HDAC4: variants seen among roughly 807,000 people sequenced by gnomAD.
HDAC4 encodes histone deacetylase 4.
In HDAC4, 16 loss-of-function variants were observed where a neutral mutation model predicts 135.1. The observed-to-expected ratio is 0.12, with a 90% CI of 0.08 to 0.18. The LOEUF (loss-of-function observed/expected upper bound fraction) is 0.18. Ranked by LOEUF, HDAC4 falls within the 10% of genes least tolerant of loss-of-function variation. HDAC4 has a pLI of 1.00. For synonymous variants in HDAC4, 685 were observed against 653.4 expected, an observed-to-expected ratio of 1.05 and a Z score of -0.74; for missense variants, 1,143 against 1,511.8, an observed-to-expected ratio of 0.76 and a Z score of 4.05.
At chr2:239,230,968 A>G (rs770032206) in intron 3 of HDAC4, among the ~76,000 whole-genome samples, 1 of 152,210 alleles carries the variant, frequency 6.6e-6, no homozygotes, top group Non-Finnish European at 1.5e-5. Flanking sequence ...ATGTAAGAGC[A>G]GTGTCTGGAA....
chr2:239,399,673 G>A (rs936053531), intron 1 of HDAC4, among the ~76,000 whole-genome samples: 3 of 152,066 alleles, frequency 2.0e-5, no homozygotes, highest in African/African-American at 7.2e-5. Context: ...GTGATTTGTG[G>A]GAATAAACAG....
intron 2 of HDAC4, among the ~76,000 whole-genome samples, chr2:239,300,560 T>C (rs1044765828): frequency 1.3e-5 from 2 of 152,158 alleles, no homozygotes; most frequent in African/African-American, 2.4e-5. Context: ...CCAGTGTCTT[T>C]TCCTCTTTTT....
intron 2 of HDAC4, among the ~76,000 whole-genome samples, chr2:239,263,826 G>A (rs561502195): frequency 9.7e-4 from 147 of 152,270 alleles, no homozygotes; most frequent in African/African-American, 3.3e-3. Context: ...TGTCCGACTC[G>A]GCTGAGCCTC....
intron 3 of HDAC4, among the ~76,000 whole-genome samples, chr2:239,212,603 C>A (rs3791604): frequency 0.018 from 2,758 of 152,302 alleles, 83 homozygotes; most frequent in East Asian, 0.14. Context: ...CAGGGACCAA[C>A]CCCATTCCCC....
At chr2:239,056,347 T>C (rs1192392788) in intron 24 of HDAC4, among the ~76,000 whole-genome samples, 1 of 152,088 alleles carries the variant, frequency 6.6e-6, no homozygotes, top group Admixed American at 6.5e-5. Flanking sequence ...GGTCCAAGGC[T>C]GGGGCGGGGA....
intron 2 of HDAC4, among the ~76,000 whole-genome samples, chr2:239,265,948 A>T (rs1478323382): frequency 6.6e-6 from 1 of 152,154 alleles, no homozygotes; most frequent in Non-Finnish European, 1.5e-5. Flanking sequence ...GGTGAGGCCA[A>T]AGCGAGCTGC....
At chr2:239,246,561 G>A (rs1040046838) in intron 2 of HDAC4, among the ~76,000 whole-genome samples, 10 of 151,190 alleles carry the variant, frequency 6.6e-5, no homozygotes, top group African/African-American at 1.2e-4. Context: ...GCCGGCAGGA[G>A]TGAAAGCAAG....
At chr2:239,164,052 C>A in intron 5 of HDAC4, 129 bp from the exon 6 acceptor site, 2 of 1,122,056 alleles carry the variant, frequency 1.8e-6, no homozygotes, top group Non-Finnish European at 2.7e-6. Context: ...GCTGTGGCCT[C>A]CTGAGCGCTT....
rs1489889277 is a variant in HDAC4 at position 239,167,509 on chromosome 2, C to T, written c.491-3586G>A. 1.3e-5 allele frequency among the ~76,000 whole-genome samples: 2 copies of T among 152,076 alleles called. No individual in the cohort carries two copies. The highest frequency in any genetic ancestry group is 2.4e-5 in the African/African-American group (1 of 41,410). On this transcript the variant is annotated intron_variant, in intron 5 of 26. Transcript: ENST00000543185. This position sits in a 1 kb window ranked among gnomAD's most constrained non-coding sequence, Gnocchi z 4.1. ...AGGAAACACGAGGAAGGTAAGTCTTCGATTCATGACCTTTCTAACCACCAA... is the reference window on the plus strand; with the variant it reads ...AGGAAACACGAGGAAGGTAAGTCTTTGATTCATGACCTTTCTAACCACCAA...
chr2:239,135,229 A>G (rs558069591), intron 9 of HDAC4, among the ~76,000 whole-genome samples: 1 of 152,320 alleles, frequency 6.6e-6, no homozygotes, highest in East Asian at 1.9e-4. Context: ...CCCCACAAAT[A>G]TATACATTAT....
intron 2 of HDAC4, among the ~76,000 whole-genome samples, chr2:239,348,843 C>T (rs1357092843): frequency 6.6e-6 from 1 of 152,240 alleles, no homozygotes; most frequent in Non-Finnish European, 1.5e-5. Flanking sequence ...CAATAAAATC[C>T]CAACAGTTAA....
chr2:239,184,964 G>C (rs1371986241), intron 4 of HDAC4, among the ~76,000 whole-genome samples: 1 of 132,738 alleles, frequency 7.5e-6, no homozygotes, highest in Non-Finnish European at 1.6e-5. Flanking sequence ...TGTGTCCTAT[G>C]GGGGGGGTCC....
intron 26 of HDAC4, 88 bp downstream of exon 26, chr2:239,053,372 G>A (rs1036986832): frequency 1.3e-5 from 20 of 1,525,284 alleles, no homozygotes; most frequent in Non-Finnish European, 1.8e-5. Flanking sequence ...CAGGGCATGT[G>A]CCATAAAGGT....
At chr2:239,390,821 C>T (rs760999369) in intron 1 of HDAC4, among the ~76,000 whole-genome samples, 2 of 152,232 alleles carry the variant, frequency 1.3e-5, no homozygotes, top group African/African-American at 4.8e-5. Flanking sequence ...CAGCCACACC[C>T]GGTAGCCCTC....
At chr2:239,123,440 G>A (rs2039870127) in intron 12 of HDAC4, among the ~76,000 whole-genome samples, 1 of 152,190 alleles carries the variant, frequency 6.6e-6, no homozygotes, top group Admixed American at 6.5e-5. Context: ...CCAGTGGGCA[G>A]CAGGGGCCAG....
At position 239,306,400 on chromosome 2, in the gene HDAC4, G is replaced by A. The variant is rs1259363594; in HGVS notation, c.22+46278C>T. Among the ~76,000 whole-genome samples the A allele has an allele frequency of 6.6e-6, 1 of 152,092 alleles. No homozygotes were observed. Among genetic ancestry groups the A allele is most frequent in the South Asian group, 2.1e-4 (1 of 4,822 alleles). On this transcript the variant is annotated intron_variant, in intron 2 of 26. Coordinates refer to ENST00000543185, the MANE Select transcript of HDAC4 (RefSeq NM_001378414.1). This position sits in a 1 kb window ranked among gnomAD's most constrained non-coding sequence, Gnocchi z 4.5. ...GACACGAGGACCTCAGAGGCCACCT[G>A]GCCAGGCCCCATCCACGGATGTGTC...
chr2:239,126,161 G>T (rs1045056349), intron 12 of HDAC4, among the ~76,000 whole-genome samples: 5 of 152,348 alleles, frequency 3.3e-5, no homozygotes, highest in Admixed American at 3.3e-4. Context: ...TGGGCTGGTG[G>T]GAGAGGGCAC....
intron 8 of HDAC4, among the ~76,000 whole-genome samples, chr2:239,144,296 G>A (rs1170630743): frequency 6.6e-6 from 1 of 152,198 alleles, no homozygotes; most frequent in Non-Finnish European, 1.5e-5. Flanking sequence ...GCTCCTGACT[G>A]CATCTCCCGC....
chr2:239,361,449 T>C (rs911400097), intron 1 of HDAC4, among the ~76,000 whole-genome samples: 3 of 152,200 alleles, frequency 2.0e-5, no homozygotes, highest in Non-Finnish European at 4.4e-5. Context: ...AGGGCTGCCA[T>C]GAGAAAGCCA....
Sources: allele counts gnomAD v4.1 joint callset (sites outside exome capture counted in the v4.1 genomes callset), GRCh38; gene constraint gnomAD v4.1.1; non-coding constraint Gnocchi (gnomAD v3.1); transcripts MANE v1.5; gene names NCBI Gene and HGNC (gene_info 2026-07-23, HGNC 2026-07-21).